Variants in FAT3 observed in about 807,000 individuals in gnomAD.
The protein encoded by FAT3 is protocadherin Fat 3.
Under a neutral mutation model 310.2 loss-of-function variants are expected in FAT3, and 95 were observed. The observed-to-expected ratio is 0.31, with a 90% CI of 0.26 to 0.36. The LOEUF is 0.36. FAT3 is among the 10% of genes least tolerant of loss of function. The pLI is 1.00. For missense variants in FAT3, 5,408 were observed against 5,715.6 expected (o/e 0.95, Z 1.74); for synonymous variants, 2,314 against 2,192.9 (o/e 1.06, Z -1.54).
intron 2 of FAT3, among the ~76,000 whole-genome samples, chr11:92,461,847 G>T (rs1162020813): frequency 6.6e-6 from 1 of 152,114 alleles, no homozygotes; most frequent in Non-Finnish European, 1.5e-5. Flanking sequence ...CCCTCGCCTC[G>T]ACTTGCTGTA....
chr11:92,875,866 A>G (rs1949520179), intron 22 of FAT3, among the ~76,000 whole-genome samples: 1 of 152,216 alleles, frequency 6.6e-6, no homozygotes, highest in Non-Finnish European at 1.5e-5. Flanking sequence ...GGAACTGTGT[A>G]TAAGTAAAAT....
intron 3 of FAT3, among the ~76,000 whole-genome samples, chr11:92,556,329 C>CT (rs1955016617): frequency 6.6e-6 from 1 of 152,176 alleles, no homozygotes; most frequent in African/African-American, 2.4e-5. Flanking sequence ...CTGTGCCTTG[C>CT]TTGCCGTCAT....
intron 3 of FAT3, among the ~76,000 whole-genome samples, chr11:92,636,002 C>T (rs890809409): frequency 1.3e-5 from 2 of 152,022 alleles, no homozygotes; most frequent in Non-Finnish European, 2.9e-5. Context: ...CTCACTCTGT[C>T]GCCCAGACTC....
intron 3 of FAT3, among the ~76,000 whole-genome samples, chr11:92,640,749 G>C (rs1166184964): frequency 6.6e-6 from 1 of 152,122 alleles, no homozygotes; most frequent in East Asian, 1.9e-4. Flanking sequence ...TGAGTAAAAG[G>C]TAGCCCTGTA....
intron 2 of FAT3, among the ~76,000 whole-genome samples, chr11:92,504,351 G>C (rs1311509641): frequency 1.3e-5 from 2 of 152,014 alleles, no homozygotes; most frequent in Non-Finnish European, 2.9e-5. Flanking sequence ...TGTTTAAGTA[G>C]CATTTGAAAC....
chr11:92,777,407 C>G (rs1286589848), intron 7 of FAT3, among the ~76,000 whole-genome samples: 1 of 152,162 alleles, frequency 6.6e-6, no homozygotes, highest in Non-Finnish European at 1.5e-5. Context: ...GCTACAATAT[C>G]TAATGACACA....
chr11:92,361,889 A>G (rs1565258627), intron 2 of FAT3, among the ~76,000 whole-genome samples: 1 of 152,246 alleles, frequency 6.6e-6, no homozygotes, highest in South Asian at 2.1e-4. Flanking sequence ...AGAAATGGGT[A>G]TCTGACAGGT....
intron 2 of FAT3, among the ~76,000 whole-genome samples, chr11:92,414,161 G>A (rs1950355848): frequency 6.6e-6 from 1 of 151,822 alleles, no homozygotes; most frequent in Non-Finnish European, 1.5e-5. Context: ...GTCACTTTTG[G>A]CTTCACTCCT....
At chr11:92,707,516 G>A (rs773716571) in intron 4 of FAT3, among the ~76,000 whole-genome samples, 29 of 152,176 alleles carry the variant, frequency 1.9e-4, no homozygotes, top group African/African-American at 6.5e-4. Context: ...TGAAGGGTTG[G>A]TATTGCACAA....
intron 1 of FAT3, among the ~76,000 whole-genome samples, chr11:92,238,571 A>G (rs533065550): frequency 2.6e-5 from 4 of 152,244 alleles, no homozygotes; most frequent in African/African-American, 9.6e-5. Flanking sequence ...AGATGGGGAA[A>G]GGGCTCATGC....
intron 7 of FAT3, among the ~76,000 whole-genome samples, chr11:92,781,235 A>G (rs1051370595): frequency 5.3e-5 from 8 of 151,808 alleles, no homozygotes; most frequent in Admixed American, 4.6e-4. Flanking sequence ...GGTGCATGCC[A>G]CCACGCCCGG....
intron 2 of FAT3, among the ~76,000 whole-genome samples, chr11:92,431,337 C>T (rs199723114): frequency 4.1e-4 from 63 of 151,882 alleles, no homozygotes; most frequent in Middle Eastern, 3.4e-3. Context: ...TCATATCCTT[C>T]GCCCACTTTT....
chr11:92,381,242 G>A (rs934076436), intron 2 of FAT3, among the ~76,000 whole-genome samples: 17 of 152,334 alleles, frequency 1.1e-4, no homozygotes, highest in African/African-American at 4.1e-4. Flanking sequence ...AGGTGCAGTG[G>A]CTCACGCCTG....
chr11:92,496,914 A>G (rs1311121457), intron 2 of FAT3, among the ~76,000 whole-genome samples: 2 of 152,050 alleles, frequency 1.3e-5, no homozygotes, highest in African/African-American at 4.8e-5. Flanking sequence ...ATTCACTGCA[A>G]TGATCCTAAA....
chr11:92,245,476 A>G (rs1180037527), intron 1 of FAT3, among the ~76,000 whole-genome samples: 2 of 152,118 alleles, frequency 1.3e-5, no homozygotes, highest in Non-Finnish European at 2.9e-5. Context: ...TGTACCCCAG[A>G]ACTTAAAGTA....
At chr11:92,542,445 TAATA>T (rs2135414802) in intron 3 of FAT3, among the ~76,000 whole-genome samples, 1 of 151,668 alleles carries the variant, frequency 6.6e-6, no homozygotes, top group African/African-American at 2.4e-5. Flanking sequence ...AATAAGGGGC[TAATA>T]AATAGGGTAT....
At chr11:92,646,392 C>G (rs1465725362) in intron 3 of FAT3, among the ~76,000 whole-genome samples, 1 of 152,180 alleles carries the variant, frequency 6.6e-6, no homozygotes, top group African/African-American at 2.4e-5. Context: ...CCTGAATTGC[C>G]ATGACATTAC....
At chr11:92,424,255 T>C (rs7124024) in intron 2 of FAT3, among the ~76,000 whole-genome samples, 17,431 of 152,166 alleles carry the variant, frequency 0.11, 1,299 homozygotes, top group African/African-American at 0.2. Context: ...AAGGGGTTGA[T>C]GTCTCACTTT....
At chr11:92,264,342 A>T (rs941254103) in intron 1 of FAT3, among the ~76,000 whole-genome samples, 1 of 152,126 alleles carries the variant, frequency 6.6e-6, no homozygotes, top group African/African-American at 2.4e-5. Context: ...GTAGGGGCTA[A>T]CTGCATCAGT....
Sources: allele counts gnomAD v4.1 joint callset (sites outside exome capture counted in the v4.1 genomes callset), GRCh38; gene constraint gnomAD v4.1.1; transcripts MANE v1.5; gene names NCBI Gene and HGNC (gene_info 2026-07-23, HGNC 2026-07-21).